GALK2: variants seen among roughly 807,000 people sequenced by gnomAD.
The protein encoded by GALK2 is galactokinase 2.
Under a neutral mutation model 52.4 loss-of-function variants are expected in GALK2, and 36 were observed. The observed-to-expected ratio is 0.69, with a 90% CI of 0.53 to 0.91. GALK2 has a LOEUF of 0.91. Ranked by LOEUF, GALK2 falls within the 40% of genes least tolerant of loss-of-function variation. The pLI is 0.00. For missense variants in GALK2, 579 were observed against 559.1 expected (o/e 1.04, Z -0.36); for synonymous variants, 176 against 199.1 (o/e 0.88, Z 0.98).
In GALK2 at chr15:49,328,011, C is replaced by T; in HGVS notation, c.1229C>T (p.Ser410Leu). The T allele has an allele frequency of 6.2e-7, 1 of 1,613,922 alleles. No homozygotes were observed. Among genetic ancestry groups the T allele is most frequent in the Non-Finnish European group, 8.5e-7 (1 of 1,179,848 alleles). Reference protein sequence around the residue: ...TGAGWGGCTVSMVPADKLPSF... With the variant: ...TGAGWGGCTVLMVPADKLPSF... Reference sequence around the variant, plus strand: ...GCAGGATGGGGAGGCTGCACAGTATCAATGGTACCTGCGGACAAGCTGCCC... The same window carrying T: ...GCAGGATGGGGAGGCTGCACAGTATTAATGGTACCTGCGGACAAGCTGCCC... The change falls in exon 10 of 10, where the codon TCA becomes TTA. Residue 410 changes from serine (S) to leucine (L), a missense_variant. Physicochemically the swap from Ser to Leu is moderately radical, Grantham distance 145. Transcript: ENST00000560031.
chr15:49,333,844 G>A (rs1567088994), downstream of GALK2, among the ~76,000 whole-genome samples: 1 of 152,134 alleles, frequency 6.6e-6, no homozygotes, highest in Non-Finnish European at 1.5e-5. Flanking sequence ...TAAAATAAAT[G>A]AGCCCAATTT....
At chr15:49,219,375 C>T (rs2089627268) in intron 3 of GALK2, among the ~76,000 whole-genome samples, 1 of 152,160 alleles carries the variant, frequency 6.6e-6, no homozygotes, top group Admixed American at 6.5e-5. Context: ...TGACTTGCTC[C>T]TCCTTGCCTT....
chr15:49,257,844 A>AT (rs1260932439), intron 5 of GALK2, among the ~76,000 whole-genome samples: 1 of 151,394 alleles, frequency 6.6e-6, no homozygotes, highest in African/African-American at 2.4e-5. Context: ...GTTCCTTAAA[A>AT]TTTTTTTAAC....
chr15:49,342,355 CT>C (rs1444388200), intron 3 of GALK2, among the ~76,000 whole-genome samples: 6 of 152,010 alleles, frequency 3.9e-5, no homozygotes, highest in Non-Finnish European at 7.4e-5. Context: ...GACTCCTGCT[CT>C]TTTTTGTTTT....
chr15:49,159,169 G>A (rs2084558124), intron 1 of GALK2, among the ~76,000 whole-genome samples: 1 of 152,108 alleles, frequency 6.6e-6, no homozygotes, highest in Admixed American at 6.6e-5. Context: ...ATCCCTCGTT[G>A]AATGTACCCG....
rs371514042 is a variant in GALK2, at chr15:49,158,463, G to A, written c.20+2447G>A. ...ATATAAAATGCATTTTAAAACTCCTGTAAATCAGTCAAAACTTTATTCCAT... is the reference window on the plus strand; with the variant it reads ...ATATAAAATGCATTTTAAAACTCCTATAAATCAGTCAAAACTTTATTCCAT... On this transcript the variant is annotated intron_variant, in intron 1 of 9. Transcript: ENST00000327171. Among the ~76,000 whole-genome samples, 19 of 152,250 alleles carry A rather than the reference G, an allele frequency of 1.2e-4. No homozygotes were observed. The East Asian group carries it at 1.3e-3, about 11-fold the overall frequency.
Position 49,256,299 on chromosome 15 carries a change from C to T in GALK2, c.504+16932C>T, listed in dbSNP as rs554389545. Among the ~76,000 whole-genome samples, 9 of 152,226 alleles carry T rather than the reference C, an allele frequency of 5.9e-5. 1 individual carries two copies. Among genetic ancestry groups the T allele is most frequent in the African/African-American group, 2.2e-4 (9 of 41,540 alleles). On this transcript the variant is annotated intron_variant, in intron 5 of 9. Transcript: ENST00000560031. The stretch of plus-strand genomic sequence containing the variant: ...TATAACTGTAAAAATGATACTGTAG[C>T]CCGTCTAGATAAATTGGTATAAGCC...
rs536435081 is a variant in GALK2 at position 49,304,592 on chromosome 15, A to G, written c.967+12055A>G. On this transcript the variant is annotated intron_variant, in intron 8 of 9. Coordinates refer to ENST00000560031, the MANE Select transcript of GALK2 (RefSeq NM_002044.4). ...GGCCAAAGCCAGTCAGATGGATGTG[A>G]TGAACTTCAGTGAGGGTGAGGTAGT... Among the ~76,000 whole-genome samples, 6 of 152,310 alleles carry G rather than the reference A, an allele frequency of 3.9e-5. No individual in the cohort carries two copies. The South Asian group carries it at 1.2e-3, about 32-fold the overall frequency.
At chr15:49,169,975 C>G (rs1470401478), upstream of GALK2, 2 of 249,188 alleles carry the variant, frequency 8.0e-6, no homozygotes, top group African/African-American at 4.3e-5. Flanking sequence ...GGTTATGACA[C>G]TGTTCTCTGA....
chr15:49,274,776 T>A (rs2031370860), intron 5 of GALK2, among the ~76,000 whole-genome samples: 1 of 152,198 alleles, frequency 6.6e-6, no homozygotes, highest in African/African-American at 2.4e-5. Flanking sequence ...TTTAACGTTT[T>A]AAACTTTTAG....
intron 2 of GALK2, among the ~76,000 whole-genome samples, chr15:49,206,812 A>G (rs1415096030): frequency 2.6e-5 from 4 of 152,212 alleles, no homozygotes; most frequent in African/African-American, 9.6e-5. Context: ...CTCTTTACCA[A>G]TTTGAATGCC....
At chr15:49,349,291 T>G (rs1354074836) in intron 3 of GALK2, among the ~76,000 whole-genome samples, 2 of 152,186 alleles carry the variant, frequency 1.3e-5, no homozygotes, top group African/African-American at 4.8e-5. Context: ...ATCAAGTTCT[T>G]ATAAAAATTA....
intron 8 of GALK2, among the ~76,000 whole-genome samples, chr15:49,316,873 C>G (rs1357693683): frequency 3.9e-5 from 6 of 152,272 alleles, no homozygotes; most frequent in African/African-American, 1.4e-4. Context: ...TGACATCACT[C>G]TCTTCCCTCC....
intron 7 of GALK2, among the ~76,000 whole-genome samples, chr15:49,288,297 T>TG (rs1344770351): frequency 1.3e-5 from 2 of 152,158 alleles, no homozygotes; most frequent in African/African-American, 4.8e-5. Context: ...ATTATACTGT[T>TG]GCTTTTTGCA....
At chr15:49,192,471 T>G (rs1196560050) in intron 1 of GALK2, among the ~76,000 whole-genome samples, 1 of 93,120 alleles carries the variant, frequency 1.1e-5, no homozygotes, top group Non-Finnish European at 2.2e-5. Flanking sequence ...CTGCAATGAA[T>G]ATTATATATA....
intron 5 of GALK2, among the ~76,000 whole-genome samples, chr15:49,244,545 A>C (rs1349806395): frequency 1.3e-5 from 2 of 151,924 alleles, no homozygotes; most frequent in Non-Finnish European, 2.9e-5. Context: ...AGTTTAGGCT[A>C]TCTGTTTAAA....
At chr15:49,312,352 C>T (rs545177436) in intron 8 of GALK2, among the ~76,000 whole-genome samples, 1 of 152,348 alleles carries the variant, frequency 6.6e-6, no homozygotes, top group South Asian at 2.1e-4. Flanking sequence ...TTCTTGCTCT[C>T]TTTCTCTTCC....
intron 3 of GALK2, chr15:49,353,581 A>T (rs536998374): frequency 2.9e-4 from 44 of 151,618 alleles, no homozygotes; most frequent in African/African-American, 1.0e-3. Flanking sequence ...TATGACATTG[A>T]CACCCAATTT....
At chr15:49,213,234 A>G (rs1286004929) in intron 2 of GALK2, among the ~76,000 whole-genome samples, 1 of 152,204 alleles carries the variant, frequency 6.6e-6, no homozygotes, top group African/African-American at 2.4e-5. Flanking sequence ...CTCCTTTGAC[A>G]TTATATAATG....
Sources: allele counts gnomAD v4.1 joint callset (sites outside exome capture counted in the v4.1 genomes callset), GRCh38; gene constraint gnomAD v4.1.1; transcripts MANE v1.5; gene names NCBI Gene and HGNC (gene_info 2026-07-23, HGNC 2026-07-21).